CNTNAP2: variants seen among roughly 807,000 people sequenced by gnomAD.
The protein encoded by CNTNAP2 is contactin-associated protein-like 2.
CNTNAP2 carries 98 observed loss-of-function variants against 155.2 expected under a neutral mutation model. The ratio of observed to expected loss-of-function variants is 0.63; its 90% CI spans 0.54 to 0.75. The LOEUF (loss-of-function observed/expected upper bound fraction) is 0.75. Among genes scored for constraint, CNTNAP2 ranks in the 30% least tolerant of loss-of-function variants. The pLI is 0.00. For synonymous variants in CNTNAP2, 651 were observed against 631.2 expected (o/e 1.03, Z -0.47); for missense variants, 1,727 against 1,688.1 (o/e 1.02, Z -0.40).
At chr7:146,689,205 C>T (rs1307217844) in intron 1 of CNTNAP2, among the ~76,000 whole-genome samples, 1 of 151,928 alleles carries the variant, frequency 6.6e-6, no homozygotes. Context: ...TAAATTACTC[C>T]ATTTGGCTAA....
chr7:146,551,172 C>T (rs1440604810), intron 1 of CNTNAP2, among the ~76,000 whole-genome samples: 4 of 151,998 alleles, frequency 2.6e-5, no homozygotes, highest in Admixed American at 1.3e-4. Context: ...CCATATAGTA[C>T]GAACGTCCTG....
intron 1 of CNTNAP2, among the ~76,000 whole-genome samples, chr7:146,664,989 G>A (rs865797608): frequency 2.0e-5 from 3 of 152,022 alleles, no homozygotes; most frequent in Admixed American, 6.5e-5. Flanking sequence ...TCTTGCTCTC[G>A]CCCAGCTGGA....
chr7:148,279,961 G>T (rs978120809), intron 21 of CNTNAP2, among the ~76,000 whole-genome samples: 1 of 152,100 alleles, frequency 6.6e-6, no homozygotes, highest in Non-Finnish European at 1.5e-5. Flanking sequence ...GAGTGCCAAG[G>T]GTTAGTGACT....
chr7:147,675,596 A>G (rs1795855203), intron 13 of CNTNAP2, among the ~76,000 whole-genome samples: 1 of 152,056 alleles, frequency 6.6e-6, no homozygotes, highest in Non-Finnish European at 1.5e-5. Flanking sequence ...CACATTGGTG[A>G]GGTGGTCTTC....
At chr7:147,064,382 T>C (rs1799740452) in intron 4 of CNTNAP2, among the ~76,000 whole-genome samples, 1 of 152,200 alleles carries the variant, frequency 6.6e-6, no homozygotes, top group Non-Finnish European at 1.5e-5. Context: ...GTGCATATCC[T>C]ACCATAAAAA....
At chr7:147,586,704 T>C (rs192659184) in intron 12 of CNTNAP2, among the ~76,000 whole-genome samples, 33 of 152,252 alleles carry the variant, frequency 2.2e-4, no homozygotes, top group African/African-American at 7.7e-4. Context: ...ATTAGTTGTG[T>C]TGGTTGTTCC....
intron 12 of CNTNAP2, among the ~76,000 whole-genome samples, chr7:147,607,983 A>G (rs10952703): frequency 0.68 from 103,972 of 152,042 alleles, 35,978 homozygotes; most frequent in African/African-American, 0.78. Flanking sequence ...GAACGTTTAC[A>G]TTTTTAGGTT....
At chr7:147,936,052 GA>G (rs1800601382) in intron 14 of CNTNAP2, among the ~76,000 whole-genome samples, 2 of 151,544 alleles carry the variant, frequency 1.3e-5, no homozygotes, top group Non-Finnish European at 2.9e-5. Flanking sequence ...TGGATGATAA[GA>G]AAAAAAAGCA....
At chr7:147,394,807 T>TGTGTG (rs1796782791) in intron 9 of CNTNAP2, among the ~76,000 whole-genome samples, 1 of 139,286 alleles carries the variant, frequency 7.2e-6, no homozygotes. Context: ...ATCAACAGTA[T>TGTGTG]TGTGTGTGTG....
intron 22 of CNTNAP2, among the ~76,000 whole-genome samples, chr7:148,403,810 C>T (rs1799641947): frequency 6.6e-6 from 1 of 152,166 alleles, no homozygotes; most frequent in Non-Finnish European, 1.5e-5. Context: ...GGTAAGCACT[C>T]ACATGCATTA....
At chr7:147,374,161 A>T (rs1297080039) in intron 9 of CNTNAP2, among the ~76,000 whole-genome samples, 4 of 151,738 alleles carry the variant, frequency 2.6e-5, no homozygotes, top group African/African-American at 9.7e-5. Flanking sequence ...TTTTACTTTT[A>T]TTTTTTTTCT....
At chr7:147,440,049 TAC>T (rs1278212125) in intron 10 of CNTNAP2, among the ~76,000 whole-genome samples, 2 of 152,094 alleles carry the variant, frequency 1.3e-5, no homozygotes, top group Non-Finnish European at 2.9e-5. Context: ...GAGAGTTTAG[TAC>T]ATTTATATTC....
intron 1 of CNTNAP2, among the ~76,000 whole-genome samples, chr7:146,519,610 C>G (rs1335776225): frequency 1.3e-5 from 2 of 151,798 alleles, no homozygotes; most frequent in Non-Finnish European, 2.9e-5. Flanking sequence ...TTTTGTAGTT[C>G]ATTGTTGCAG....
At chr7:148,273,211 C>A (rs986583541) in intron 21 of CNTNAP2, among the ~76,000 whole-genome samples, 1 of 152,084 alleles carries the variant, frequency 6.6e-6, no homozygotes, top group African/African-American at 2.4e-5. Context: ...TAGATATAGC[C>A]TAAATAAACT....
At chr7:147,943,394 C>A (rs1563143076) in intron 14 of CNTNAP2, among the ~76,000 whole-genome samples, 1 of 151,956 alleles carries the variant, frequency 6.6e-6, no homozygotes, top group Non-Finnish European at 1.5e-5. Flanking sequence ...TCACTTAATC[C>A]TATTGTATTA....
At chr7:146,921,833 A>T (rs1796506575) in intron 3 of CNTNAP2, among the ~76,000 whole-genome samples, 1 of 152,154 alleles carries the variant, frequency 6.6e-6, no homozygotes, top group Non-Finnish European at 1.5e-5. Context: ...GAAACTGAAC[A>T]CGAAGACATA....
At chr7:146,336,540 A>C (rs1801278107) in intron 1 of CNTNAP2, among the ~76,000 whole-genome samples, 1 of 121,116 alleles carries the variant, frequency 8.3e-6, no homozygotes, top group South Asian at 2.3e-4. Flanking sequence ...TCCATAAAGG[A>C]AAAAAAAAAC....
chr7:147,596,412 C>A (rs757551369), intron 12 of CNTNAP2, among the ~76,000 whole-genome samples: 2 of 152,152 alleles, frequency 1.3e-5, no homozygotes, highest in Non-Finnish European at 1.5e-5. Context: ...CCCTACCTAC[C>A]CCAATCCATT....
At chr7:146,878,545 G>A (rs927618392) in intron 3 of CNTNAP2, among the ~76,000 whole-genome samples, 15 of 151,796 alleles carry the variant, frequency 9.9e-5, no homozygotes, top group Non-Finnish European at 1.5e-4. Context: ...ATATCATAAA[G>A]CAGACGCTGT....
Sources: gnomAD v4.1 joint callset for allele counts (sites outside exome capture counted in the v4.1 genomes callset) on GRCh38, gnomAD v4.1.1 for gene constraint, MANE v1.5 for transcripts, NCBI Gene and HGNC (gene_info 2026-07-23, HGNC 2026-07-21) for gene names.